CACNG6: variants seen among roughly 807,000 people sequenced by gnomAD.
CACNG6 encodes calcium voltage-gated channel auxiliary subunit gamma 6, also known as voltage-dependent calcium channel gamma-6 subunit.
CACNG6 carries 21 observed loss-of-function variants against 23.9 expected under a neutral mutation model. The observed-to-expected ratio is 0.88, with a 90% CI of 0.62 to 1.26. CACNG6 has a LOEUF of 1.26. CACNG6 is among the 50% of genes most tolerant of loss of function. The pLI is 0.00. For missense variants in CACNG6, 340 were observed against 352.9 expected, an observed-to-expected ratio of 0.96 and a Z score of 0.29; for synonymous variants, 182 against 168.9, an observed-to-expected ratio of 1.08 and a Z score of -0.60.
In CACNG6 at chr19:53,991,736, CG is replaced by C. The variant is rs1261522169; in HGVS notation, c.-1139del. 6.7e-6 allele frequency among the ~76,000 whole-genome samples: 1 copy of C among 149,670 alleles called. No individual in the cohort carries two copies. Among genetic ancestry groups the C allele is most frequent in the Non-Finnish European group, 1.5e-5 (1 of 67,610 alleles). ...CAGGAGAGCGAGAGGGGCCCCTGCTCGGGAGTCGGGGGTGGGAGCCCCGAGG... is the reference window on the plus strand; with the variant it reads ...CAGGAGAGCGAGAGGGGCCCCTGCTCGGAGTCGGGGGTGGGAGCCCCGAGG... On this transcript the variant is annotated 5_prime_UTR_variant, in exon 1 of 4. Coordinates refer to ENST00000252729, the MANE Select transcript of CACNG6 (RefSeq NM_145814.2).
At chr19:53,991,268 A>T (rs1010499169), upstream of CACNG6, among the ~76,000 whole-genome samples, 3 of 141,570 alleles carry the variant, frequency 2.1e-5, no homozygotes, top group African/African-American at 5.4e-5. Context: ...GGGACCCAAG[A>T]CTCCTGGCCT....
At chr19:54,003,202 G>T (rs1453674211) in intron 3 of CACNG6, among the ~76,000 whole-genome samples, 1 of 152,048 alleles carries the variant, frequency 6.6e-6, no homozygotes, top group African/African-American at 2.4e-5. Context: ...CTCAGGGAGG[G>T]GGAGGCGGAA....
chr19:54,001,131 T>G (rs1007045073), intron 3 of CACNG6, among the ~76,000 whole-genome samples: 7 of 151,628 alleles, frequency 4.6e-5, no homozygotes, highest in Non-Finnish European at 1.0e-4. Flanking sequence ...TTGGGAAGGT[T>G]CCTTTTATTT....
chr19:53,998,593 C>A (rs1332704088), intron 2 of CACNG6, among the ~76,000 whole-genome samples: 2 of 150,694 alleles, frequency 1.3e-5, no homozygotes, highest in Non-Finnish European at 2.9e-5. Flanking sequence ...CTCACTGCAA[C>A]CTCCGCCTCC....
In CACNG6 at chr19:54,005,210, A is replaced by AAAT. The variant is rs2069627602; in HGVS notation, c.544+5441_544+5442insTAA. Reference sequence around the variant, plus strand: ...GGCGACAGAGCGAGACTCCATCTCAAAAATAAATAAATAAATAAATAAATA... The same window carrying AAAT: ...GGCGACAGAGCGAGACTCCATCTCAAAATAAATAAATAAATAAATAAATAAATA... On this transcript the variant is annotated intron_variant, in intron 3 of 3. Coordinates refer to ENST00000252729, the MANE Select transcript of CACNG6 (RefSeq NM_145814.2). Among the ~76,000 whole-genome samples the AAAT allele has an allele frequency of 6.7e-4, 89 of 132,840 alleles. 1 individual carries two copies. The highest frequency in any genetic ancestry group is 2.4e-3 in the African/African-American group (88 of 36,682). The allele number at this position is 132,840 out of a possible 152,430, so 87.1% of individuals were successfully genotyped here.
chr19:54,011,894 G>T, intron 3 of CACNG6, 57 bp from the exon 4 acceptor site: 3 of 1,280,486 alleles, frequency 2.3e-6, no homozygotes, highest in Admixed American at 2.9e-5. Context: ...TGGCGGAGAT[G>T]TTCAGACACA....
chr19:54,007,890 T>C (rs1235989535), intron 3 of CACNG6, among the ~76,000 whole-genome samples: 1 of 149,560 alleles, frequency 6.7e-6, no homozygotes, highest in African/African-American at 2.5e-5. Flanking sequence ...GCTGAGACCT[T>C]GTCACTAAAA....
chr19:54,002,878 G>A (rs2145960685), intron 3 of CACNG6, among the ~76,000 whole-genome samples: 1 of 152,218 alleles, frequency 6.6e-6, no homozygotes, highest in Middle Eastern at 3.4e-3. Flanking sequence ...AGGTTGTCTT[G>A]TTTCTCTCCT....
intron 1 of CACNG6, among the ~76,000 whole-genome samples, chr19:53,993,821 C>T (rs2069493924): frequency 6.6e-6 from 1 of 151,542 alleles, no homozygotes. Flanking sequence ...CCAGATGATT[C>T]TATGACCCCC....
At chr19:54,011,522 G>A (rs1413755052) in intron 3 of CACNG6, among the ~76,000 whole-genome samples, 1 of 150,986 alleles carries the variant, frequency 6.6e-6, no homozygotes, top group Non-Finnish European at 1.5e-5. Flanking sequence ...ACCAGAACGC[G>A]TTTCTCCCGT....
intron 3 of CACNG6, among the ~76,000 whole-genome samples, chr19:54,009,447 CTAA>C (rs1336628144): frequency 6.3e-4 from 74 of 117,650 alleles, no homozygotes; most frequent in African/African-American, 2.6e-3. Flanking sequence ...GAGACTCCAT[CTAA>C]AAAAAAAAAA....
At chr19:53,993,277 G>A (rs1199539967) in intron 1 of CACNG6, 69 bp downstream of exon 1, 5 of 1,444,446 alleles carry the variant, frequency 3.5e-6, no homozygotes, top group South Asian at 1.3e-5. Flanking sequence ...GCCCGTGTCC[G>A]AGGAGAAAAC....
At chr19:54,009,982 A>G (rs1600065531) in intron 3 of CACNG6, among the ~76,000 whole-genome samples, 1 of 146,914 alleles carries the variant, frequency 6.8e-6, no homozygotes, top group Non-Finnish European at 1.5e-5. Flanking sequence ...TTATTTTGTG[A>G]CCCCTCCCCC....
chr19:54,002,586 T>C (rs939629755), intron 3 of CACNG6, among the ~76,000 whole-genome samples: 7 of 151,802 alleles, frequency 4.6e-5, no homozygotes, highest in African/African-American at 1.7e-4. Context: ...CAACGATGAA[T>C]AAAATAAAGA....
Position 53,992,522 on chromosome 19 carries a change from C to G in CACNG6, c.-356C>G. On this transcript the variant is annotated 5_prime_UTR_variant, in exon 1 of 4. Coordinates refer to ENST00000252729, the MANE Select transcript of CACNG6 (RefSeq NM_145814.2). This position sits in a 1 kb window ranked among gnomAD's most constrained non-coding sequence, Gnocchi z 4.1. Reference sequence around the variant, plus strand: ...GGCACCAGTTCTCATTCCTCTGGAGCTCTTGGGGGGACTCCCTCCTGGGAA... The same window carrying G: ...GGCACCAGTTCTCATTCCTCTGGAGGTCTTGGGGGGACTCCCTCCTGGGAA... The G allele has an allele frequency of 5.6e-6, 1 of 178,258 alleles. No individual in the cohort carries two copies. The allele number at this position is 178,258 out of a possible 1,614,324, so 11.0% of individuals were successfully genotyped here. A position where few individuals can be genotyped will look rare whatever the true frequency, so the allele number is the denominator to read the frequency against.
At chr19:54,001,618 A>G (rs2069576769) in intron 3 of CACNG6, among the ~76,000 whole-genome samples, 1 of 152,198 alleles carries the variant, frequency 6.6e-6, no homozygotes. Context: ...AACAGACATC[A>G]TCTTTATCTT....
rs970692506 is a variant in CACNG6, at chr19:53,999,604, C to T, written c.407-30C>T. On this transcript the variant is annotated intron_variant, in intron 2 of 3. Coordinates refer to ENST00000252729, the MANE Select transcript of CACNG6 (RefSeq NM_145814.2). ...CTCCTCATTCCCTACATCCCATGTT[C>T]TCTGCTTCTTTCCTCTCTCCTGCTG... is the stretch of plus-strand genomic sequence containing the variant. The T allele has an allele frequency of 3.7e-6, 6 of 1,609,226 alleles. No homozygotes were observed. In the African/African-American group the frequency reaches 6.7e-5, roughly 18 times the overall value.
At chr19:53,991,454 T>TCCCCGGGCGGCCTCCCTCCCC (rs2069457543), upstream of CACNG6, among the ~76,000 whole-genome samples, 1 of 151,268 alleles carries the variant, frequency 6.6e-6, no homozygotes, top group Non-Finnish European at 1.5e-5. Context: ...GGCCCCTTCC[T>TCCCCGGGCGGCCTCCCTCCCC]CCCCGGGCGG....
chr19:54,009,155 G>A (rs2069677518), intron 3 of CACNG6, among the ~76,000 whole-genome samples: 1 of 152,074 alleles, frequency 6.6e-6, no homozygotes, highest in Admixed American at 6.6e-5. Flanking sequence ...GGGCGCGGTG[G>A]CTCACGTCTG....
Sources: gnomAD v4.1 joint callset for allele counts (sites outside exome capture counted in the v4.1 genomes callset) on GRCh38, gnomAD v4.1.1 for gene constraint, Gnocchi (gnomAD v3.1) non-coding constraint, MANE v1.5 for transcripts, NCBI Gene and HGNC (gene_info 2026-07-23, HGNC 2026-07-21) for gene names.